Variants in GABRG3 observed in about 807,000 individuals in gnomAD.
The protein encoded by GABRG3 is gamma-aminobutyric acid receptor subunit gamma-3.
Under a neutral mutation model 48.8 loss-of-function variants are expected in GABRG3, and 25 were observed. The observed-to-expected ratio is 0.51, with a 90% confidence interval of 0.37 to 0.72. GABRG3 has a LOEUF of 0.72. Ranked by LOEUF, GABRG3 falls within the 30% of genes least tolerant of loss-of-function variation. The pLI, the probability that GABRG3 is intolerant of heterozygous loss-of-function variation, is 0.00. For synonymous variants in GABRG3, 227 were observed against 217.6 expected (o/e 1.04, Z -0.38); for missense variants, 394 against 577.9 (o/e 0.68, Z 3.26).
At chr15:27,377,628 C>T (rs1025235043) in intron 5 of GABRG3, among the ~76,000 whole-genome samples, 2 of 152,148 alleles carry the variant, frequency 1.3e-5, no homozygotes, top group African/African-American at 4.8e-5. Flanking sequence ...GCACAGGAAA[C>T]ACCTGCCCCC....
intron 5 of GABRG3, among the ~76,000 whole-genome samples, chr15:27,383,629 G>A (rs776562349): frequency 4.6e-5 from 7 of 151,956 alleles, no homozygotes; most frequent in South Asian, 2.1e-4. Context: ...CAAGCCAACC[G>A]GAACATGGGT....
At position 27,053,988 on chromosome 15, in the gene GABRG3, G is replaced by A. The variant is rs181165762; in HGVS notation, c.270+27167G>A. Among the ~76,000 whole-genome samples, 177 of 152,314 alleles carry A rather than the reference G, an allele frequency of 1.2e-3. 1 individual carries two copies. The highest frequency in any genetic ancestry group is 4.0e-3 in the African/African-American group (168 of 41,572). On this transcript the variant is annotated intron_variant, in intron 3 of 9. Coordinates refer to ENST00000615808, the MANE Select transcript of GABRG3 (RefSeq NM_033223.5). Reference sequence around the variant, plus strand: ...CTTCAAAAGGAGGGAGGGGCCGGGTGTGGCGGCTCACGCCTCTAATCCCTG... The same window carrying A: ...CTTCAAAAGGAGGGAGGGGCCGGGTATGGCGGCTCACGCCTCTAATCCCTG...
At chr15:27,515,591 T>C (rs1363417579) in intron 6 of GABRG3, among the ~76,000 whole-genome samples, 1 of 151,856 alleles carries the variant, frequency 6.6e-6, no homozygotes, top group South Asian at 2.1e-4. Context: ...TATCTGTAAG[T>C]TGGTGGGGTT....
At position 27,368,179 on chromosome 15, in the gene GABRG3, A is replaced by G. The variant is rs186958210; in HGVS notation, c.574+39291A>G. ...CACAGTGGAGAAAGGTCAGAGCTCA[A>G]TGGTCAAGATCAAGGTGTGAGTTTC... On this transcript the variant is annotated intron_variant, in intron 5 of 9. Coordinates refer to ENST00000615808, the MANE Select transcript of GABRG3 (RefSeq NM_033223.5). Among the ~76,000 whole-genome samples, 7 of 152,320 alleles carry G rather than the reference A, an allele frequency of 4.6e-5. No homozygotes were observed. In the East Asian group the frequency reaches 1.2e-3, roughly 25 times the overall value.
intron 3 of GABRG3, among the ~76,000 whole-genome samples, chr15:27,057,570 C>T (rs1448981830): frequency 6.6e-6 from 1 of 152,084 alleles, no homozygotes; most frequent in African/African-American, 2.4e-5. Flanking sequence ...CGTGTCTGAG[C>T]CCCCTGGAAA....
intron 3 of GABRG3, among the ~76,000 whole-genome samples, chr15:27,083,242 A>G (rs982077173): frequency 7.9e-5 from 12 of 151,986 alleles, no homozygotes; most frequent in African/African-American, 2.9e-4. Flanking sequence ...GGCTAAGATC[A>G]TTTTTTTCCT....
At chr15:27,494,893 G>A (rs1310507460) in intron 6 of GABRG3, among the ~76,000 whole-genome samples, 1 of 151,846 alleles carries the variant, frequency 6.6e-6, no homozygotes, top group East Asian at 1.9e-4. Context: ...TTTTGTTCTT[G>A]TTTTTCTGGT....
chr15:27,152,892 G>A (rs1031782860), intron 3 of GABRG3, among the ~76,000 whole-genome samples: 3 of 141,702 alleles, frequency 2.1e-5, no homozygotes, highest in Non-Finnish European at 3.0e-5. Flanking sequence ...ATGGAGTCTC[G>A]CTCTGTCGCC....
chr15:27,340,041 TCTC>T (rs1894114522), intron 5 of GABRG3, among the ~76,000 whole-genome samples: 1 of 152,038 alleles, frequency 6.6e-6, no homozygotes, highest in African/African-American at 2.4e-5. Flanking sequence ...GCAGCTAGCC[TCTC>T]CTCTTGTGTC....
intron 5 of GABRG3, among the ~76,000 whole-genome samples, chr15:27,351,537 G>GGTGTGTGTATGGTGTTT (rs1366478550): frequency 2.3e-5 from 3 of 130,626 alleles, no homozygotes; most frequent in East Asian, 2.5e-4. Context: ...TGTGTGTGTT[G>GGTGTGTGTATGGTGTTT]GTGTGTGTAT....
chr15:27,123,852 C>A (rs948090266), intron 3 of GABRG3, among the ~76,000 whole-genome samples: 1 of 152,132 alleles, frequency 6.6e-6, no homozygotes, highest in African/African-American at 2.4e-5. Flanking sequence ...GAAGCCGAGG[C>A]CACTGTGGAG....
chr15:27,097,504 T>G (rs1303268719), intron 3 of GABRG3, among the ~76,000 whole-genome samples: 1 of 152,136 alleles, frequency 6.6e-6, no homozygotes, highest in Non-Finnish European at 1.5e-5. Flanking sequence ...TGTTTTTCTC[T>G]TTCTCTTTTT....
chr15:27,200,800 G>C (rs897422953), intron 3 of GABRG3, among the ~76,000 whole-genome samples: 1 of 152,110 alleles, frequency 6.6e-6, no homozygotes, highest in Admixed American at 6.5e-5. Flanking sequence ...TCGAGCCCAG[G>C]TGTGCTACCC....
At chr15:27,126,706 C>A (rs1262380961) in intron 3 of GABRG3, among the ~76,000 whole-genome samples, 1 of 152,194 alleles carries the variant, frequency 6.6e-6, no homozygotes, top group Admixed American at 6.5e-5. Context: ...AGCCACTGGG[C>A]AATAATGCTG....
intron 3 of GABRG3, among the ~76,000 whole-genome samples, chr15:27,238,353 G>A (rs1890037981): frequency 6.6e-6 from 1 of 152,216 alleles, no homozygotes; most frequent in Non-Finnish European, 1.5e-5. Context: ...AGCCTGCCTT[G>A]CCCCACGCCC....
At chr15:27,159,971 T>C (rs1898536704) in intron 3 of GABRG3, among the ~76,000 whole-genome samples, 1 of 152,156 alleles carries the variant, frequency 6.6e-6, no homozygotes, top group Non-Finnish European at 1.5e-5. Context: ...CCAACCTCCA[T>C]GGCCACAGAC....
chr15:27,162,151 T>G (rs759356818), intron 3 of GABRG3, among the ~76,000 whole-genome samples: 12 of 151,964 alleles, frequency 7.9e-5, no homozygotes, highest in Non-Finnish European at 1.8e-4. Flanking sequence ...TAGGAAAAAA[T>G]TAAGGATATA....
Position 27,436,485 on chromosome 15 carries a change from C to T in GABRG3, c.575-44165C>T, listed in dbSNP as rs116178789. Among the ~76,000 whole-genome samples the T allele has an allele frequency of 2.9e-3, 443 of 152,240 alleles. 1 individual carries two copies. The highest frequency in any genetic ancestry group is 9.7e-3 in the African/African-American group (403 of 41,546). On this transcript the variant is annotated intron_variant, in intron 5 of 9. Coordinates refer to ENST00000615808, the MANE Select transcript of GABRG3 (RefSeq NM_033223.5). ...GCACATTCACTTTTGGCTTCAACAC[C>T]GGACATGTACAGTTACCATTTACTG...
At chr15:27,424,270 C>T (rs1054458029) in intron 5 of GABRG3, among the ~76,000 whole-genome samples, 2 of 152,124 alleles carry the variant, frequency 1.3e-5, no homozygotes, top group African/African-American at 2.4e-5. Context: ...TTCATTTGTG[C>T]TGCTATAACA....
Sources: gnomAD v4.1 joint callset for allele counts (sites outside exome capture counted in the v4.1 genomes callset) on GRCh38, gnomAD v4.1.1 for gene constraint, MANE v1.5 for transcripts, NCBI Gene and HGNC (gene_info 2026-07-23, HGNC 2026-07-21) for gene names.